Variants in FOXP2 observed in about 807,000 individuals in gnomAD.
FOXP2 encodes forkhead box P2.
A neutral mutation model predicts 115.8 loss-of-function variants in FOXP2; 12 were observed. That is an observed-to-expected ratio of 0.10 (90% CI 0.07 to 0.17). The LOEUF (loss-of-function observed/expected upper bound fraction) is 0.17. FOXP2 is among the 10% of genes least tolerant of loss of function. The pLI, the probability that FOXP2 is intolerant of heterozygous loss-of-function variation, is 1.00. For missense variants in FOXP2, 629 were observed against 843.5 expected, an observed-to-expected ratio of 0.75 and a Z score of 3.15; for synonymous variants, 328 against 297.7, an observed-to-expected ratio of 1.10 and a Z score of -1.05.
intron 1 of FOXP2, among the ~76,000 whole-genome samples, chr7:114,417,632 A>G (rs191086076): frequency 2.6e-4 from 40 of 151,688 alleles, no homozygotes; most frequent in Middle Eastern, 6.8e-3. Context: ...TTAATTTTCC[A>G]CCTCTGTTCA....
intron 1 of FOXP2, among the ~76,000 whole-genome samples, chr7:114,265,490 C>T (rs1488359365): frequency 1.3e-5 from 2 of 152,200 alleles, no homozygotes; most frequent in Non-Finnish European, 2.9e-5. Flanking sequence ...CTTGCTCTCA[C>T]AGGTTTTTGA....
intron 3 of FOXP2, among the ~76,000 whole-genome samples, chr7:114,617,318 C>A (rs971726629): frequency 7.9e-5 from 12 of 152,264 alleles, no homozygotes; most frequent in Middle Eastern, 3.4e-3. Flanking sequence ...AAAGCACATC[C>A]TATATATTAC....
Position 114,587,879 on chromosome 7 carries a change from A to ATATATATATATATATATATAAAGGTGCC in FOXP2, c.259-40661_259-40660insTATATATATATATATATATAAAGGTGCC. On this transcript the variant is annotated intron_variant, in intron 3 of 16. Transcript: ENST00000350908. The stretch of plus-strand genomic sequence containing the variant: ...CTAATTGGGTGAATAAGAGATAATT[A>ATATATATATATATATATATAAAGGTGCC]AATCCACCTTTCTTAGTGCCTTATT... 8.8e-4 allele frequency among the ~76,000 whole-genome samples: 68 copies of ATATATATATATATATATATAAAGGTGCC among 76,878 alleles called. 22 individuals carry two copies. In the East Asian group the frequency reaches 0.025, roughly 29 times the overall value. The allele number at this position is 76,878 out of a possible 152,430, so 50.4% of individuals were successfully genotyped here.
At chr7:114,672,898 A>G (rs2129346086) in intron 16 of FOXP2, among the ~76,000 whole-genome samples, 1 of 152,302 alleles carries the variant, frequency 6.6e-6, no homozygotes, top group South Asian at 2.1e-4. Flanking sequence ...AATAGATAAC[A>G]GTTGAGAAAA....
At chr7:114,536,194 G>A (rs1409601540) in intron 3 of FOXP2, among the ~76,000 whole-genome samples, 2 of 151,366 alleles carry the variant, frequency 1.3e-5, no homozygotes, top group East Asian at 1.9e-4. Context: ...GGCAACATAA[G>A]CAAAAGATAG....
At chr7:114,289,198 T>G (rs1796535805) in intron 2 of FOXP2, among the ~76,000 whole-genome samples, 1 of 151,888 alleles carries the variant, frequency 6.6e-6, no homozygotes, top group Non-Finnish European at 1.5e-5. Context: ...ATTAAAATGA[T>G]CCCACATTTA....
At chr7:114,669,623 G>A (rs1807388213) in intron 16 of FOXP2, 1 of 151,928 alleles carries the variant, frequency 6.6e-6, no homozygotes, top group Non-Finnish European at 1.5e-5. Flanking sequence ...TAAAAGGTTA[G>A]GATTGATGCT....
At chr7:114,555,085 T>A (rs934792407) in intron 3 of FOXP2, among the ~76,000 whole-genome samples, 5 of 152,228 alleles carry the variant, frequency 3.3e-5, no homozygotes, top group Non-Finnish European at 7.3e-5. Flanking sequence ...ATTACTTTTT[T>A]AATACTTTTT....
rs1260593698 is a variant in FOXP2, at chr7:114,693,050, C to T, written c.*3124C>T. 2.9e-5 allele frequency: 13 copies of T among 453,736 alleles called. No homozygotes were observed. The Admixed American group carries it at 3.1e-4, about 11-fold the overall frequency. The allele number at this position is 453,736 out of a possible 1,614,324, so 28.1% of individuals were successfully genotyped here. ...CAGGGAGTTATCAGATTTTATTTTA[C>T]ATAGTTTTAGTCTACAAAGACACAA... is the stretch of plus-strand genomic sequence containing the variant. On this transcript the variant is annotated 3_prime_UTR_variant, in exon 17 of 17. Transcript: ENST00000350908.
At chr7:114,210,778 G>A (rs1308216969) in intron 1 of FOXP2, among the ~76,000 whole-genome samples, 4 of 152,058 alleles carry the variant, frequency 2.6e-5, no homozygotes, top group Non-Finnish European at 4.4e-5. Flanking sequence ...CAGAAATGGC[G>A]GCTGCCACTC....
intron 7 of FOXP2, among the ~76,000 whole-genome samples, chr7:114,644,301 C>T: frequency 6.6e-6 from 1 of 152,048 alleles, no homozygotes; most frequent in African/African-American, 2.4e-5. Flanking sequence ...AAGAGCATTT[C>T]AAAATCTTAT....
intron 2 of FOXP2, among the ~76,000 whole-genome samples, chr7:114,395,775 C>T (rs964825240): frequency 2.6e-5 from 4 of 151,856 alleles, no homozygotes; most frequent in African/African-American, 9.7e-5. Flanking sequence ...CCTCCAGGTT[C>T]ACTCATGTTG....
At chr7:114,631,088 C>T (rs2129328044) in intron 5 of FOXP2, 1 of 193,058 alleles carries the variant, frequency 5.2e-6, no homozygotes, top group South Asian at 9.7e-5. Flanking sequence ...CCTATGAAGG[C>T]TACATCCCAG....
chr7:114,202,672 G>A (rs1253722151), intron 1 of FOXP2, among the ~76,000 whole-genome samples: 1 of 152,132 alleles, frequency 6.6e-6, no homozygotes, highest in African/African-American at 2.4e-5. Context: ...ACAGAAGTGG[G>A]TTTAAATCAT....
upstream of FOXP2, among the ~76,000 whole-genome samples, chr7:114,159,934 T>C (rs1477957565): frequency 2.6e-5 from 4 of 152,146 alleles, no homozygotes; most frequent in Non-Finnish European, 5.9e-5. Flanking sequence ...TGTAGAAATA[T>C]TGGAGGAAAA....
At chr7:114,406,846 T>C (rs1267307778) in intron 2 of FOXP2, among the ~76,000 whole-genome samples, 1 of 152,046 alleles carries the variant, frequency 6.6e-6, no homozygotes, top group Non-Finnish European at 1.5e-5. Flanking sequence ...TCTCTGTCTT[T>C]ATCGCTACAG....
intron 1 of FOXP2, among the ~76,000 whole-genome samples, chr7:114,244,620 A>T (rs1422985782): frequency 1.3e-5 from 2 of 152,190 alleles, no homozygotes; most frequent in African/African-American, 2.4e-5. Flanking sequence ...ACTTAATTAT[A>T]TCTTTATACC....
At chr7:114,580,650 T>TA (rs1801804659) in intron 3 of FOXP2, among the ~76,000 whole-genome samples, 1 of 152,100 alleles carries the variant, frequency 6.6e-6, no homozygotes, top group African/African-American at 2.4e-5. Context: ...ACTTGATTTT[T>TA]AAAAGCATGT....
chr7:114,093,955 A>G lies in FOXP2; in HGVS notation c.-247+6117A>G, dbSNP rs1054145980. On this transcript the variant is annotated intron_variant, in intron 1 of 19. Transcript: ENST00000635638. ...CATTCATCATTATACCTTAACATGAATAGAATTAAGTGTATGTAAATATTT... is the reference window on the plus strand; with the variant it reads ...CATTCATCATTATACCTTAACATGAGTAGAATTAAGTGTATGTAAATATTT... Among the ~76,000 whole-genome samples, 5 of 152,128 alleles carry G rather than the reference A, an allele frequency of 3.3e-5. No homozygotes were observed. The South Asian group carries it at 8.3e-4, about 25-fold the overall frequency.
Sources: allele counts gnomAD v4.1 joint callset (sites outside exome capture counted in the v4.1 genomes callset), GRCh38; gene constraint gnomAD v4.1.1; transcripts MANE v1.5; gene names NCBI Gene and HGNC (gene_info 2026-07-23, HGNC 2026-07-21).